The following GPC5 variants were observed in gnomAD, a reference collection of about 807,000 sequenced individuals.
GPC5 encodes glypican 5.
In GPC5, 47 loss-of-function variants were observed where a neutral mutation model predicts 53.9. The ratio of observed to expected loss-of-function variants is 0.87; its 90% CI spans 0.69 to 1.11. The LOEUF is 1.11. Among genes scored for constraint, GPC5 ranks in the 50% most tolerant of loss-of-function variants. The pLI is 0.00. For missense variants in GPC5, 748 were observed against 713.1 expected, an observed-to-expected ratio of 1.05 and a Z score of -0.56; for synonymous variants, 286 against 263.3, an observed-to-expected ratio of 1.09 and a Z score of -0.84.
At chr13:91,809,034 A>C (rs1483906062) in intron 5 of GPC5, among the ~76,000 whole-genome samples, 4 of 152,182 alleles carry the variant, frequency 2.6e-5, no homozygotes, top group Non-Finnish European at 5.9e-5. Context: ...TCAACAATAC[A>C]CACTGTATAA....
intron 7 of GPC5, among the ~76,000 whole-genome samples, chr13:92,533,068 T>C (rs1370912733): frequency 1.3e-5 from 2 of 152,194 alleles, no homozygotes; most frequent in African/African-American, 4.8e-5. Flanking sequence ...TCAGTATAAA[T>C]GCAGTTTTAA....
At chr13:91,839,095 C>A (rs188539020) in intron 5 of GPC5, among the ~76,000 whole-genome samples, 7 of 152,268 alleles carry the variant, frequency 4.6e-5, no homozygotes, top group Non-Finnish European at 8.8e-5. Context: ...GTGTAAATAT[C>A]TAACTCACAT....
At chr13:92,789,961 G>C (rs1305711591) in intron 7 of GPC5, among the ~76,000 whole-genome samples, 1 of 152,106 alleles carries the variant, frequency 6.6e-6, no homozygotes, top group Non-Finnish European at 1.5e-5. Context: ...CAAACCACTG[G>C]TGTAAGTCCA....
At chr13:92,537,840 T>C (rs12874576) in intron 7 of GPC5, among the ~76,000 whole-genome samples, 30,034 of 152,016 alleles carry the variant, frequency 0.2, 2,951 homozygotes, top group Non-Finnish European at 0.21. Flanking sequence ...CAATCAATTA[T>C]AAAGACACTG....
chr13:91,463,237 G>T (rs1438137632), intron 2 of GPC5, among the ~76,000 whole-genome samples: 1 of 152,046 alleles, frequency 6.6e-6, no homozygotes, highest in Non-Finnish European at 1.5e-5. Flanking sequence ...CACTTCATTT[G>T]CATGGTTTCA....
At chr13:91,459,984 G>C (rs1437805496) in intron 2 of GPC5, among the ~76,000 whole-genome samples, 1 of 152,076 alleles carries the variant, frequency 6.6e-6, no homozygotes, top group African/African-American at 2.4e-5. Flanking sequence ...TTTGAAGGGG[G>C]AATATGTATA....
At chr13:92,471,670 TAGG>T (rs1175935817) in intron 7 of GPC5, among the ~76,000 whole-genome samples, 1 of 151,994 alleles carries the variant, frequency 6.6e-6, no homozygotes, top group African/African-American at 2.4e-5. Flanking sequence ...TGAGAGTAAT[TAGG>T]AGAATTTCAA....
intron 7 of GPC5, among the ~76,000 whole-genome samples, chr13:92,279,473 T>C (rs1034068639): frequency 1.3e-5 from 2 of 152,106 alleles, no homozygotes; most frequent in Admixed American, 1.3e-4. Flanking sequence ...GTCTGTTATT[T>C]CTTTTTCTTA....
intron 5 of GPC5, among the ~76,000 whole-genome samples, chr13:91,814,141 C>A (rs1314552685): frequency 6.6e-6 from 1 of 151,786 alleles, no homozygotes; most frequent in Non-Finnish European, 1.5e-5. Context: ...ACCATCTTAG[C>A]CAAGATGGTC....
chr13:91,865,513 A>G (rs1736310431), intron 5 of GPC5, among the ~76,000 whole-genome samples: 1 of 152,182 alleles, frequency 6.6e-6, no homozygotes, highest in African/African-American at 2.4e-5. Flanking sequence ...TAAGAAAGAC[A>G]ACAGCATCTT....
Position 91,737,643 on chromosome 13 carries a change from T to C in GPC5, c.1154+8978T>C, listed in dbSNP as rs968342128. 3.3e-5 allele frequency among the ~76,000 whole-genome samples: 5 copies of C among 151,576 alleles called. No homozygotes were observed. In the South Asian group the frequency reaches 8.3e-4, roughly 25 times the overall value. On this transcript the variant is annotated intron_variant, in intron 4 of 7. Transcript: ENST00000377067. ...ATAACCTTTTCAAATTATATTGTCA[T>C]AGTTTATACTTTAGATTTTGTGTAT...
At chr13:92,804,942 G>A (rs1206941263) in intron 7 of GPC5, among the ~76,000 whole-genome samples, 1 of 151,984 alleles carries the variant, frequency 6.6e-6, no homozygotes, top group Non-Finnish European at 1.5e-5. Flanking sequence ...TCCATATGAA[G>A]CAGCTCCTCA....
chr13:92,614,426 C>A (rs1331305211), intron 7 of GPC5, among the ~76,000 whole-genome samples: 2 of 152,060 alleles, frequency 1.3e-5, no homozygotes, highest in Admixed American at 6.6e-5. Context: ...TAAGTTGAAC[C>A]ATTTTAAGTC....
At chr13:92,796,922 T>C (rs1486925313) in intron 7 of GPC5, among the ~76,000 whole-genome samples, 1 of 152,004 alleles carries the variant, frequency 6.6e-6, no homozygotes, top group Non-Finnish European at 1.5e-5. Flanking sequence ...ATTTCTATTT[T>C]TGAATCTGTT....
chr13:91,601,155 T>C (rs560572429), intron 2 of GPC5, among the ~76,000 whole-genome samples: 1 of 152,326 alleles, frequency 6.6e-6, no homozygotes, highest in Non-Finnish European at 1.5e-5. Flanking sequence ...AGTAGATAGT[T>C]TGACAGTTAT....
intron 7 of GPC5, among the ~76,000 whole-genome samples, chr13:92,663,610 ATAT>A (rs1886427454): frequency 4.7e-5 from 4 of 84,550 alleles, no homozygotes; most frequent in Non-Finnish European, 9.2e-5. Context: ...ATATATATAT[ATAT>A]CTACTATATA....
At position 91,601,462 on chromosome 13, in the gene GPC5, C is replaced by A. The variant is rs534549470; in HGVS notation, c.326-91725C>A. 2.0e-5 allele frequency among the ~76,000 whole-genome samples: 3 copies of A among 152,254 alleles called. No individual in the cohort carries two copies. The East Asian group carries it at 5.8e-4, about 29-fold the overall frequency. On this transcript the variant is annotated intron_variant, in intron 2 of 7. Coordinates refer to ENST00000377067, the MANE Select transcript of GPC5 (RefSeq NM_004466.6). ...GGATCCCCAACCCCTGGGCCGTGGA[C>A]CCCTACCAGTCCGTGGCCTGTTAGG...
At chr13:92,264,454 T>A (rs943289189) in intron 7 of GPC5, among the ~76,000 whole-genome samples, 2 of 152,020 alleles carry the variant, frequency 1.3e-5, no homozygotes, top group African/African-American at 4.8e-5. Flanking sequence ...TTTTCATTAG[T>A]TTTTGGGTTT....
At chr13:92,617,097 A>G (rs1259371099) in intron 7 of GPC5, among the ~76,000 whole-genome samples, 1 of 152,236 alleles carries the variant, frequency 6.6e-6, no homozygotes, top group Non-Finnish European at 1.5e-5. Context: ...TGTTGCGCTT[A>G]GAAAATGATA....
Sources: allele counts gnomAD v4.1 joint callset (sites outside exome capture counted in the v4.1 genomes callset), GRCh38; gene constraint gnomAD v4.1.1; transcripts MANE v1.5; gene names NCBI Gene and HGNC (gene_info 2026-07-23, HGNC 2026-07-21).